The following APBB2 variants were observed in gnomAD, a reference collection of about 807,000 sequenced individuals.
The protein encoded by APBB2 is amyloid beta precursor protein binding family B member 2.
A neutral mutation model predicts 82.5 loss-of-function variants in APBB2; 38 were observed. The observed-to-expected ratio is 0.46, with a 90% CI of 0.36 to 0.60. The LOEUF (loss-of-function observed/expected upper bound fraction) is 0.60. Ranked by LOEUF, APBB2 falls within the 20% of genes least tolerant of loss-of-function variation. The probability of loss-of-function intolerance (pLI) is 0.00; values close to 1 mark genes in which losing one functional copy is unlikely to be tolerated. For missense variants in APBB2, 772 were observed against 972.3 expected (o/e 0.79, Z 2.74); for synonymous variants, 341 against 368.2 (o/e 0.93, Z 0.85).
chr4:41,179,584 T>C (rs1198832602), intron 1 of APBB2, among the ~76,000 whole-genome samples: 1 of 152,180 alleles, frequency 6.6e-6, no homozygotes, highest in Non-Finnish European at 1.5e-5. Flanking sequence ...CGCTTCTAGA[T>C]TACCAGCCCA....
chr4:40,885,590 AGT>A (rs756286100), intron 12 of APBB2, among the ~76,000 whole-genome samples: 1 of 152,158 alleles, frequency 6.6e-6, no homozygotes, highest in Admixed American at 6.5e-5. Context: ...TGGATGGGTG[AGT>A]GTGTTTCTCA....
chr4:41,145,908 T>C (rs951311923), intron 1 of APBB2, among the ~76,000 whole-genome samples: 3 of 152,188 alleles, frequency 2.0e-5, no homozygotes, highest in African/African-American at 7.2e-5. Flanking sequence ...AATTAAGAGA[T>C]GCCAGGCACG....
intron 3 of APBB2, among the ~76,000 whole-genome samples, chr4:41,086,020 A>C (rs973682050): frequency 6.6e-6 from 1 of 152,198 alleles, no homozygotes; most frequent in African/African-American, 2.4e-5. Flanking sequence ...CACTGTTTCT[A>C]CAGCAATCAA....
chr4:40,855,745 A>C (rs993088101), intron 12 of APBB2, among the ~76,000 whole-genome samples: 1 of 147,372 alleles, frequency 6.8e-6, no homozygotes, highest in Non-Finnish European at 1.5e-5. Context: ...CAAAAAAAAA[A>C]ACAAAAAAAA....
chr4:40,955,932 C>G (rs376581286), intron 6 of APBB2, among the ~76,000 whole-genome samples: 14 of 152,002 alleles, frequency 9.2e-5, no homozygotes, highest in African/African-American at 3.4e-4. Context: ...TGTGCCACCA[C>G]GCCCGGCTAA....
At chr4:41,059,654 T>C (rs1368808651) in intron 4 of APBB2, among the ~76,000 whole-genome samples, 1 of 152,266 alleles carries the variant, frequency 6.6e-6, no homozygotes, top group Non-Finnish European at 1.5e-5. Flanking sequence ...CCAACCTATT[T>C]CTTTAATTTG....
At chr4:40,982,223 AAAGAAAG>A (rs1560445156) in intron 6 of APBB2, among the ~76,000 whole-genome samples, 296 of 6,202 alleles carry the variant, frequency 0.048, 44 homozygotes, top group Middle Eastern at 0.2. Context: ...AAAAGAAAGG[AAAGAAAG>A]AAAGAAAGAA....
chr4:41,180,301 C>G (rs915246192), intron 1 of APBB2, among the ~76,000 whole-genome samples: 1 of 152,154 alleles, frequency 6.6e-6, no homozygotes, highest in South Asian at 2.1e-4. Context: ...GTGCTTGATT[C>G]AGGGTCCTTA....
chr4:40,901,909 A>ATATGTGTGTGTGTGTG (rs766567645), intron 10 of APBB2, among the ~76,000 whole-genome samples: 90 of 145,538 alleles, frequency 6.2e-4, no homozygotes, highest in African/African-American at 2.2e-3. Context: ...ATCCAAAATT[A>ATATGTGTGTGTGTGTG]TGTGTGTGTG....
chr4:40,984,655 GT>G (rs1425856334), intron 6 of APBB2, among the ~76,000 whole-genome samples: 1 of 152,160 alleles, frequency 6.6e-6, no homozygotes, highest in African/African-American at 2.4e-5. Flanking sequence ...AAGGAGTGGA[GT>G]AACAGCTAAC....
At chr4:40,963,918 T>C (rs73244032) in intron 6 of APBB2, among the ~76,000 whole-genome samples, 1,930 of 152,290 alleles carry the variant, frequency 0.013, 22 homozygotes, top group Non-Finnish European at 0.022. Context: ...CAGTGGGAAG[T>C]ACCCAACCAT....
chr4:41,128,918 A>G (rs1447284456), intron 2 of APBB2, among the ~76,000 whole-genome samples: 2 of 151,944 alleles, frequency 1.3e-5, no homozygotes, highest in African/African-American at 2.4e-5. Flanking sequence ...TGCATCCTTT[A>G]CCTGCCTTTC....
intron 1 of APBB2, among the ~76,000 whole-genome samples, chr4:41,186,581 ACACT>A (rs77965924): frequency 0.052 from 7,855 of 152,258 alleles, 452 homozygotes; most frequent in African/African-American, 0.14. Flanking sequence ...TCCTATGGAA[ACACT>A]CAGTATTACC....
intron 7 of APBB2, among the ~76,000 whole-genome samples, chr4:40,940,163 A>G (rs369565363): frequency 2.0e-5 from 3 of 152,236 alleles, no homozygotes; most frequent in African/African-American, 7.2e-5. Flanking sequence ...ACAGGTAACA[A>G]CACTACAATG....
At chr4:40,862,390 G>A (rs1001291412) in intron 12 of APBB2, among the ~76,000 whole-genome samples, 2 of 152,186 alleles carry the variant, frequency 1.3e-5, no homozygotes, top group East Asian at 1.9e-4. Flanking sequence ...GAATGTGGAA[G>A]CCACTTCAAA....
chr4:41,089,630 T>G (rs1374887277), intron 3 of APBB2, among the ~76,000 whole-genome samples: 2 of 152,202 alleles, frequency 1.3e-5, no homozygotes, highest in Admixed American at 1.3e-4. Flanking sequence ...ATTCCCATTT[T>G]ATAGGCTAGA....
At chr4:40,850,955 A>AT (rs1316655988) in intron 12 of APBB2, among the ~76,000 whole-genome samples, 22 of 151,976 alleles carry the variant, frequency 1.4e-4, no homozygotes, top group African/African-American at 5.3e-4. Context: ...CAAAAAAAAA[A>AT]TTTTTTTTTA....
intron 6 of APBB2, among the ~76,000 whole-genome samples, chr4:40,959,365 T>C (rs562880132): frequency 1.3e-5 from 2 of 152,356 alleles, no homozygotes; most frequent in East Asian, 3.9e-4. Context: ...TTTGAAAATA[T>C]ATTAAATGGA....
At chr4:41,082,175 T>C (rs939325409) in intron 3 of APBB2, among the ~76,000 whole-genome samples, 3 of 152,192 alleles carry the variant, frequency 2.0e-5, no homozygotes, top group African/African-American at 7.2e-5. Flanking sequence ...ATTAGACACA[T>C]TTTAAAAACG....
Sources: gnomAD v4.1 joint callset for allele counts (sites outside exome capture counted in the v4.1 genomes callset) on GRCh38, gnomAD v4.1.1 for gene constraint, MANE v1.5 for transcripts, NCBI Gene and HGNC (gene_info 2026-07-23, HGNC 2026-07-21) for gene names.